FHIT: variants seen among roughly 807,000 people sequenced by gnomAD.
FHIT encodes bis(5'-adenosyl)-triphosphatase.
FHIT carries 19 observed loss-of-function variants against 17.9 expected under a neutral mutation model. The ratio of observed to expected loss-of-function variants is 1.06; its 90% CI spans 0.74 to 1.56. FHIT has a LOEUF of 1.56. FHIT is among the 40% of genes most tolerant of loss of function. The pLI is 0.00. For synonymous variants in FHIT, 81 were observed against 69.7 expected, an observed-to-expected ratio of 1.16 and a Z score of -0.81; for missense variants, 248 against 189.2, an observed-to-expected ratio of 1.31 and a Z score of -1.82.
chr3:60,648,473 C>T (rs1188954254), intron 4 of FHIT, among the ~76,000 whole-genome samples: 2 of 151,506 alleles, frequency 1.3e-5, no homozygotes, highest in Admixed American at 1.3e-4. Flanking sequence ...AGCAGGTGGG[C>T]AGTCTAGGAG....
chr3:60,437,703 T>C (rs1360894875), intron 5 of FHIT, among the ~76,000 whole-genome samples: 2 of 152,066 alleles, frequency 1.3e-5, no homozygotes, highest in East Asian at 1.9e-4. Context: ...CATATGAGGG[T>C]ATGTAGTTCT....
At chr3:59,911,466 T>C (rs1461851710) in intron 8 of FHIT, among the ~76,000 whole-genome samples, 2 of 152,086 alleles carry the variant, frequency 1.3e-5, no homozygotes, top group Non-Finnish European at 2.9e-5. Flanking sequence ...GGTGGGCCTT[T>C]TAGGGGAGCA....
chr3:59,956,688 C>T (rs1413416530), intron 7 of FHIT, among the ~76,000 whole-genome samples: 1 of 152,052 alleles, frequency 6.6e-6, no homozygotes, highest in Non-Finnish European at 1.5e-5. Context: ...AAGACAATCT[C>T]CTTAGTAAAA....
rs73836076 is a variant in FHIT at position 60,984,669 on chromosome 3, T to C, written c.-111+57378A>G. On this transcript the variant is annotated intron_variant, in intron 3 of 9. Coordinates refer to ENST00000492590, the MANE Select transcript of FHIT (RefSeq NM_002012.4). ...TTCCAAACTAAAGGATAGAACCCAA[T>C]AGTGGGTCTTGACATCAACTTAGGA... Among the ~76,000 whole-genome samples, 1,367 of 152,226 alleles carry C rather than the reference T, an allele frequency of 9.0e-3. 19 individuals are homozygous for C. The highest frequency in any genetic ancestry group is 0.03 in the African/African-American group (1,250 of 41,540).
chr3:60,590,358 T>G (rs2038045394), intron 4 of FHIT, among the ~76,000 whole-genome samples: 1 of 152,014 alleles, frequency 6.6e-6, no homozygotes, highest in Admixed American at 6.6e-5. Context: ...AGCAGCAAAC[T>G]AGAACCCCTC....
chr3:59,793,152 C>T (rs1699639155), intron 8 of FHIT, among the ~76,000 whole-genome samples: 1 of 152,086 alleles, frequency 6.6e-6, no homozygotes, highest in Admixed American at 6.6e-5. Context: ...AAAGCCTTCC[C>T]CCTGACCCCT....
chr3:60,569,112 A>G (rs1184203778), intron 4 of FHIT, among the ~76,000 whole-genome samples: 3 of 151,910 alleles, frequency 2.0e-5, no homozygotes, highest in Admixed American at 1.3e-4. Context: ...ATTACAGTTT[A>G]AGTGTTTTTA....
chr3:60,005,567 G>A (rs2106647840), intron 7 of FHIT, among the ~76,000 whole-genome samples: 1 of 152,252 alleles, frequency 6.6e-6, no homozygotes, highest in East Asian at 1.9e-4. Context: ...ATCCCCCTGA[G>A]CACTGCAGTT....
chr3:60,464,837 T>C (rs976237693), intron 5 of FHIT, among the ~76,000 whole-genome samples: 2 of 152,126 alleles, frequency 1.3e-5, no homozygotes, highest in African/African-American at 4.8e-5. Context: ...TACAGATAGC[T>C]CTTCAATACA....
chr3:60,224,404 G>A (rs1704094632), intron 5 of FHIT, among the ~76,000 whole-genome samples: 2 of 152,298 alleles, frequency 1.3e-5, no homozygotes, highest in South Asian at 4.1e-4. Context: ...GTTGTGAAAA[G>A]AATTCAAGAA....
intron 5 of FHIT, among the ~76,000 whole-genome samples, chr3:60,139,622 G>T (rs1316939368): frequency 6.6e-6 from 1 of 152,058 alleles, no homozygotes; most frequent in African/African-American, 2.4e-5. Context: ...TGTTCCCCCT[G>T]ACTATGAGGG....
intron 5 of FHIT, among the ~76,000 whole-genome samples, chr3:60,159,045 AC>A (rs568282983): frequency 6.6e-6 from 1 of 151,132 alleles, no homozygotes; most frequent in African/African-American, 2.4e-5. Context: ...TTTCATTATT[AC>A]CCCCCAAGGA....
chr3:60,464,948 GGTT>G (rs1402311235), intron 5 of FHIT, among the ~76,000 whole-genome samples: 1 of 152,076 alleles, frequency 6.6e-6, no homozygotes, highest in Non-Finnish European at 1.5e-5. Context: ...CCTCCACAGT[GGTT>G]GTACTAATTT....
At chr3:60,266,011 A>G (rs879346853) in intron 5 of FHIT, among the ~76,000 whole-genome samples, 4 of 152,006 alleles carry the variant, frequency 2.6e-5, no homozygotes, top group Non-Finnish European at 5.9e-5. Flanking sequence ...AAGATAGTAT[A>G]TATAAAGGTA....
chr3:61,014,437 T>C (rs2031965388), intron 3 of FHIT, among the ~76,000 whole-genome samples: 1 of 151,902 alleles, frequency 6.6e-6, no homozygotes, highest in African/African-American at 2.4e-5. Flanking sequence ...TATTAATCTG[T>C]AGCTCTGTAT....
intron 3 of FHIT, among the ~76,000 whole-genome samples, chr3:60,998,844 G>T (rs1231159220): frequency 6.6e-6 from 1 of 151,834 alleles, no homozygotes; most frequent in Non-Finnish European, 1.5e-5. Flanking sequence ...AGAGAAGGTA[G>T]ACTTATTTAA....
chr3:60,917,544 T>C (rs1707072317), intron 3 of FHIT, among the ~76,000 whole-genome samples: 1 of 152,202 alleles, frequency 6.6e-6, no homozygotes, highest in African/African-American at 2.4e-5. Flanking sequence ...CTACCACTTC[T>C]TTCTCCTCCC....
chr3:60,084,980 T>C (rs1304031713), intron 5 of FHIT, among the ~76,000 whole-genome samples: 2 of 152,166 alleles, frequency 1.3e-5, no homozygotes, highest in African/African-American at 4.8e-5. Context: ...TTTCTATATG[T>C]TGGAGGCACT....
chr3:60,881,311 A>T (rs1217261584), intron 3 of FHIT, among the ~76,000 whole-genome samples: 1 of 152,228 alleles, frequency 6.6e-6, no homozygotes, highest in Non-Finnish European at 1.5e-5. Context: ...TATTCAATCC[A>T]AAGGGAGAGA....
Sources: allele counts gnomAD v4.1 joint callset (sites outside exome capture counted in the v4.1 genomes callset), GRCh38; gene constraint gnomAD v4.1.1; transcripts MANE v1.5; gene names NCBI Gene and HGNC (gene_info 2026-07-23, HGNC 2026-07-21).